Variants in MAGI2 observed in about 807,000 individuals in gnomAD.
The protein encoded by MAGI2 is membrane associated guanylate kinase, WW and PDZ domain containing 2, also known as membrane-associated guanylate kinase, WW and PDZ domain-containing protein 2.
MAGI2 carries 35 observed loss-of-function variants against 133.3 expected under a neutral mutation model. The ratio of observed to expected loss-of-function variants is 0.26; its 90% CI spans 0.20 to 0.35. The LOEUF (loss-of-function observed/expected upper bound fraction) is 0.35, where lower values mean the gene tolerates loss of function less well. MAGI2 is among the 10% of genes least tolerant of loss of function. The probability of loss-of-function intolerance (pLI) is 1.00; values close to 1 mark genes in which losing one functional copy is unlikely to be tolerated. For missense variants in MAGI2, 1,636 were observed against 1,863.4 expected (o/e 0.88, Z 2.25); for synonymous variants, 729 against 710.6 (o/e 1.03, Z -0.41).
chr7:79,315,164 C>CTT (rs33911640), intron 1 of MAGI2, among the ~76,000 whole-genome samples: 11,404 of 140,564 alleles, frequency 0.081, 974 homozygotes, highest in African/African-American at 0.22. Context: ...AGATTTAACT[C>CTT]TTTTTTTTTT....
chr7:78,424,543 T>C (rs778391911), intron 6 of MAGI2, among the ~76,000 whole-genome samples: 3 of 152,100 alleles, frequency 2.0e-5, no homozygotes, highest in Non-Finnish European at 2.9e-5. Flanking sequence ...GGTAGATTCA[T>C]GAAAACTTGC....
chr7:79,197,317 A>T (rs1828171600), intron 1 of MAGI2, among the ~76,000 whole-genome samples: 1 of 152,026 alleles, frequency 6.6e-6, no homozygotes, highest in South Asian at 2.1e-4. Context: ...CCTGAAATAA[A>T]AAACCCGTGA....
At chr7:78,253,764 T>C (rs73700707) in intron 10 of MAGI2, 58 of 152,312 alleles carry the variant, frequency 3.8e-4, no homozygotes, top group African/African-American at 1.3e-3. Context: ...ACATTATTAC[T>C]TTATAAATTA....
At chr7:78,325,400 A>G (rs915482056) in intron 9 of MAGI2, among the ~76,000 whole-genome samples, 1 of 152,136 alleles carries the variant, frequency 6.6e-6, no homozygotes, top group African/African-American at 2.4e-5. Context: ...ATTCCTTATG[A>G]CTTAAGAGAT....
chr7:79,105,102 T>G (rs915519637), intron 1 of MAGI2, among the ~76,000 whole-genome samples: 10 of 152,356 alleles, frequency 6.6e-5, no homozygotes, highest in African/African-American at 2.4e-4. Flanking sequence ...GTGACAGGTT[T>G]TAGATTTAAC....
intron 9 of MAGI2, among the ~76,000 whole-genome samples, chr7:78,283,678 A>C (rs539178215): frequency 5.9e-5 from 9 of 152,206 alleles, no homozygotes; most frequent in African/African-American, 2.2e-4. Flanking sequence ...ATTCTTTTTC[A>C]TAACTGTGAT....
chr7:78,635,670 A>G (rs952662346), intron 2 of MAGI2, among the ~76,000 whole-genome samples: 4 of 152,214 alleles, frequency 2.6e-5, no homozygotes, highest in Non-Finnish European at 4.4e-5. Flanking sequence ...TGGAAAAAAT[A>G]GATCTTGACA....
intron 2 of MAGI2, among the ~76,000 whole-genome samples, chr7:78,811,391 A>T (rs982832495): frequency 6.6e-6 from 1 of 151,914 alleles, no homozygotes; most frequent in Non-Finnish European, 1.5e-5. Flanking sequence ...CTCTTAAATT[A>T]TGTGATTGAT....
At chr7:78,066,091 T>C (rs2151148752) in intron 21 of MAGI2, among the ~76,000 whole-genome samples, 1 of 152,298 alleles carries the variant, frequency 6.6e-6, no homozygotes, top group East Asian at 1.9e-4. Flanking sequence ...ATACGTAGTG[T>C]CCCCATGTTT....
At chr7:79,324,477 TATATATAC>T (rs201176173) in intron 1 of MAGI2, among the ~76,000 whole-genome samples, 183 of 13,082 alleles carry the variant, frequency 0.014, 63 homozygotes, top group Non-Finnish European at 0.025. Flanking sequence ...GTTGTGTGTG[TATATATAC>T]ATATATATAC....
intron 1 of MAGI2, among the ~76,000 whole-genome samples, chr7:79,128,832 C>G (rs1820662653): frequency 6.6e-6 from 1 of 152,140 alleles, no homozygotes; most frequent in East Asian, 1.9e-4. Context: ...GTTGAAAATG[C>G]ATTAATACAT....
chr7:78,812,979 G>T (rs1468388846), intron 2 of MAGI2, among the ~76,000 whole-genome samples: 1 of 152,158 alleles, frequency 6.6e-6, no homozygotes, highest in Non-Finnish European at 1.5e-5. Context: ...TAGAGGTTCT[G>T]GTTCTGGATA....
chr7:79,350,988 A>C (rs1841649801), intron 1 of MAGI2, among the ~76,000 whole-genome samples: 1 of 152,166 alleles, frequency 6.6e-6, no homozygotes, highest in Non-Finnish European at 1.5e-5. Flanking sequence ...TCATTTAATA[A>C]AAACAGCTCT....
chr7:78,812,233 G>A (rs1443867505), intron 2 of MAGI2, among the ~76,000 whole-genome samples: 1 of 152,098 alleles, frequency 6.6e-6, no homozygotes. Flanking sequence ...AAAAAATTAT[G>A]TTTTTAAGCT....
intron 3 of MAGI2, among the ~76,000 whole-genome samples, chr7:78,550,304 A>G (rs1017470065): frequency 6.6e-6 from 1 of 152,150 alleles, no homozygotes. Context: ...CTCAGTTTTT[A>G]TAAGAGAATC....
intron 1 of MAGI2, among the ~76,000 whole-genome samples, chr7:79,029,504 TA>T (rs1461458609): frequency 1.3e-5 from 2 of 152,180 alleles, no homozygotes; most frequent in Admixed American, 1.3e-4. Context: ...GAAATGTTTA[TA>T]TTTTTTTATT....
At chr7:78,240,169 T>G (rs1563311359) in intron 10 of MAGI2, among the ~76,000 whole-genome samples, 1 of 152,218 alleles carries the variant, frequency 6.6e-6, no homozygotes, top group Non-Finnish European at 1.5e-5. Flanking sequence ...GTGTGTGATG[T>G]TCCCTGCCCT....
At chr7:78,551,019 T>C (rs938695369) in intron 3 of MAGI2, among the ~76,000 whole-genome samples, 2 of 152,232 alleles carry the variant, frequency 1.3e-5, no homozygotes, top group Non-Finnish European at 2.9e-5. Flanking sequence ...TAATAAATAA[T>C]AATTACTGAG....
intron 1 of MAGI2, chr7:79,139,906 C>T (rs1821956410): frequency 6.6e-6 from 1 of 152,078 alleles, no homozygotes; most frequent in Non-Finnish European, 1.5e-5. Flanking sequence ...AAATGGAAAC[C>T]ATGTGAAGAT....
Sources: allele counts gnomAD v4.1 joint callset (sites outside exome capture counted in the v4.1 genomes callset), GRCh38; gene constraint gnomAD v4.1.1; transcripts MANE v1.5; gene names NCBI Gene and HGNC (gene_info 2026-07-23, HGNC 2026-07-21).